The following SERPINA3 variants were observed in gnomAD, a reference collection of about 807,000 sequenced individuals.
SERPINA3 encodes alpha-1-antichymotrypsin.
In SERPINA3, 32 loss-of-function variants were observed where a neutral mutation model predicts 26.8. That is an observed-to-expected ratio of 1.20 (90% confidence interval 0.90 to 1.61). SERPINA3 has a LOEUF of 1.61. Ranked by LOEUF, SERPINA3 falls within the 40% of genes most tolerant of loss-of-function variation. The pLI is 0.00. For synonymous variants in SERPINA3, 252 were observed against 206.4 expected, an observed-to-expected ratio of 1.22 and a Z score of -1.89; for missense variants, 632 against 517.9, an observed-to-expected ratio of 1.22 and a Z score of -2.14.
chr14:94,618,206 A>C (rs1886070083), intron 2 of SERPINA3: 1 of 152,102 alleles, frequency 6.6e-6, no homozygotes, highest in Admixed American at 6.5e-5. Context: ...ATTCCTTTTT[A>C]GATAAGGTGG....
At chr14:94,622,835 C>G (rs143039898) in intron 4 of SERPINA3, 2 of 378,342 alleles carry the variant, frequency 5.3e-6, no homozygotes, top group Non-Finnish European at 1.0e-5. Flanking sequence ...TAGTTCTTGG[C>G]TAGTATCCAG....
intron 4 of SERPINA3, 138 bp from the exon 5 acceptor site, chr14:94,623,473 G>T: frequency 1.3e-6 from 1 of 799,456 alleles, no homozygotes. Flanking sequence ...GAGTTGGGAG[G>T]AGCAAACATT....
In SERPINA3 at chr14:94,623,814, G is replaced by A. The variant is rs1886296754; in HGVS notation, c.1272G>A (p.Ter424=). Residue 424 remains the stop codon, a stop_retained_variant, in exon 5 of 5, where the codon TAG becomes TAA. Transcript: ENST00000393078. The part of the protein sequence containing the change: ...MSKVTNPKQA[*] Reference sequence around the variant, plus strand: ...AAGTCACCAATCCCAAGCAAGCCTAGAGCTTGCCATCAAGCAGTGGGGCTC... The same window carrying A: ...AAGTCACCAATCCCAAGCAAGCCTAAAGCTTGCCATCAAGCAGTGGGGCTC... 2 of 1,613,516 alleles carry A rather than the reference G, an allele frequency of 1.2e-6. No individual in the cohort carries two copies. The highest frequency in any genetic ancestry group is 2.2e-5 in the South Asian group (2 of 91,066).
intron 3 of SERPINA3, among the ~76,000 whole-genome samples, chr14:94,621,669 G>C (rs1044671448): frequency 1.3e-5 from 2 of 152,010 alleles, no homozygotes; most frequent in African/African-American, 2.4e-5. Context: ...AGGCAAGATG[G>C]GAACCTCCAA....
chr14:94,621,407 C>T (rs898658379), intron 3 of SERPINA3, among the ~76,000 whole-genome samples: 4 of 152,094 alleles, frequency 2.6e-5, no homozygotes, highest in Non-Finnish European at 5.9e-5. Context: ...ATGGAATGAA[C>T]GGACAAACAC....
intron 1 of SERPINA3, 105 bp downstream of exon 1, chr14:94,612,552 CAGG>C: frequency 1.7e-6 from 1 of 594,392 alleles, no homozygotes; most frequent in South Asian, 1.5e-5. Context: ...AAGCAGAGGC[CAGG>C]AGGAGGTGTA....
intron 4 of SERPINA3, chr14:94,622,784 A>T: frequency 2.2e-6 from 1 of 456,746 alleles, no homozygotes; most frequent in Non-Finnish European, 4.0e-6. Flanking sequence ...AAACAATTAA[A>T]GTCCTCCACC....
chr14:94,622,618 T>C (rs1230647755), intron 4 of SERPINA3, 127 bp downstream of exon 4: 6 of 1,047,036 alleles, frequency 5.7e-6, no homozygotes, highest in Non-Finnish European at 8.7e-6. Flanking sequence ...ATACTCACCC[T>C]GCTTGGGACA....
rs1886290735 is a variant in SERPINA3, at chr14:94,623,695, G to T, written c.1153G>T (p.Ala385Ser). 5 of 1,613,980 alleles carry T rather than the reference G, an allele frequency of 3.1e-6. No individual in the cohort carries two copies. The South Asian group carries it at 5.5e-5, about 18-fold the overall frequency. The change falls in exon 5 of 5, where the codon GCA becomes TCA. Residue 385 changes from alanine to serine, a missense_variant. Ala to Ser is a moderately conservative substitution (Grantham distance 99). Transcript: ENST00000393078. The part of the protein sequence containing the change: ...ATAVKITLLS[A>S]LVETRTIVRF... ...AGCAGTCAAAATCACCCTCCTTTCT[G>T]CATTAGTGGAGACAAGGACCATTGT...
intron 2 of SERPINA3, chr14:94,618,089 TC>T (rs1886066553): frequency 6.6e-6 from 1 of 152,172 alleles, no homozygotes; most frequent in Non-Finnish European, 1.5e-5. Context: ...ATGTCATGAT[TC>T]CCAAAGAATG....
In SERPINA3 at chr14:94,622,344, G is replaced by C. The variant is rs553980476; in HGVS notation, c.921G>C (p.Glu307Asp). ...CTTTTTTTTTCTCGTTTTCTAGAGA[G>C]ATAGGTGAGCTCTACCTGCCAAAGT... Reference protein sequence around the residue: ...KRWRDSLEFREIGELYLPKFS... With the variant: ...KRWRDSLEFRDIGELYLPKFS... Residue 307 changes from glutamate to aspartate, a missense_variant, in exon 4 of 5, where the codon GAG (glutamate) becomes GAC (aspartate). Coordinates refer to ENST00000393078, the MANE Select transcript of SERPINA3 (RefSeq NM_001085.5). 11 of 1,614,062 alleles carry C rather than the reference G, an allele frequency of 6.8e-6. No homozygotes were observed. In the East Asian group the frequency reaches 8.9e-5, roughly 13 times the overall value.
At chr14:94,613,204 TCCTTCCTTC>T (rs1487157904) in intron 1 of SERPINA3, 3 of 147,488 alleles carry the variant, frequency 2.0e-5, no homozygotes, top group Non-Finnish European at 4.5e-5. Context: ...TCCCTTCCTT[TCCTTCCTTC>T]CCTTCCTTCC....
intron 2 of SERPINA3, chr14:94,618,743 T>G (rs1886088298): frequency 3.9e-6 from 1 of 259,658 alleles, no homozygotes; most frequent in Admixed American, 5.0e-5. Context: ...TCTTTCCTCT[T>G]ATTTCCACCC....
chr14:94,614,637 C>T lies in SERPINA3; in HGVS notation c.196C>T (p.Leu66=). The T allele has an allele frequency of 6.2e-7, 1 of 1,614,104 alleles. No homozygotes were observed. ...FAFSLYKQLV[L]KAPDKNVIFS... is the part of the protein sequence containing the mutation. The stretch of plus-strand genomic sequence containing the variant: ...TTTCAGCCTGTACAAGCAGTTAGTC[C>T]TGAAGGCCCCTGATAAGAATGTCAT... Residue 66 remains leucine (L), a synonymous_variant, in exon 2 of 5, where the codon CTG becomes TTG. Transcript: ENST00000393078.
intron 1 of SERPINA3, chr14:94,613,991 G>A (rs985475473): frequency 1.1e-5 from 2 of 181,596 alleles, no homozygotes; most frequent in Non-Finnish European, 2.4e-5. Context: ...TTTGGTGGCA[G>A]TTGGGAGAAT....
intron 2 of SERPINA3, chr14:94,618,735 T>G: frequency 3.9e-6 from 1 of 256,646 alleles, no homozygotes; most frequent in South Asian, 5.0e-5. Flanking sequence ...ACCCAGTCTC[T>G]TTCCTCTTAT....
intron 3 of SERPINA3, among the ~76,000 whole-genome samples, chr14:94,620,998 C>G (rs1448446455): frequency 6.6e-6 from 1 of 152,164 alleles, no homozygotes; most frequent in Non-Finnish European, 1.5e-5. Flanking sequence ...CCTGTTTTCA[C>G]TGGGTGATTG....
chr14:94,613,060 T>A (rs1378433282), intron 1 of SERPINA3, among the ~76,000 whole-genome samples: 6 of 152,110 alleles, frequency 3.9e-5, no homozygotes, highest in Non-Finnish European at 8.8e-5. Context: ...TTGTCTAACA[T>A]TTATCCAGAG....
Position 94,619,198 on chromosome 14 carries a change from A to G in SERPINA3, c.647A>G (p.Lys216Arg). 6.2e-7 allele frequency: 1 copy of G among 1,613,698 alleles called. No individual in the cohort carries two copies. The highest frequency in any genetic ancestry group is 8.5e-7 in the Non-Finnish European group (1 of 1,179,662). The stretch of plus-strand genomic sequence containing the variant: ...CAACTGCTTGCTCCACCTTCAGCCA[A>G]ATGGGAGATGCCCTTTGACCCCCAA... ...VLVNYIFFKA[K>R]WEMPFDPQDT... is the part of the protein sequence containing the mutation. The change falls in exon 3 of 5, where the codon AAA (lysine) becomes AGA (arginine). Residue 216 changes from lysine to arginine, a missense_variant. Coordinates refer to ENST00000393078, the MANE Select transcript of SERPINA3 (RefSeq NM_001085.5).
Sources: allele counts gnomAD v4.1 joint callset (sites outside exome capture counted in the v4.1 genomes callset), GRCh38; gene constraint gnomAD v4.1.1; transcripts MANE v1.5; gene names NCBI Gene and HGNC (gene_info 2026-07-23, HGNC 2026-07-21).